HTR4: variants seen among roughly 807,000 people sequenced by gnomAD.
HTR4 encodes the protein 5-hydroxytryptamine (serotonin) receptor 4, G protein-coupled.
In HTR4, 16 loss-of-function variants were observed where a neutral mutation model predicts 36.8. The ratio of observed to expected loss-of-function variants is 0.43; its 90% CI spans 0.29 to 0.66. The LOEUF (loss-of-function observed/expected upper bound fraction) is 0.66. HTR4 is among the 30% of genes least tolerant of loss of function. The pLI, the probability that HTR4 is intolerant of heterozygous loss-of-function variation, is 0.13. For synonymous variants in HTR4, 189 were observed against 185.1 expected (o/e 1.02, Z -0.17); for missense variants, 438 against 490.9 (o/e 0.89, Z 1.02).
chr5:148,455,458 T>G (rs1373807763), intron 5 of HTR4, among the ~76,000 whole-genome samples: 1 of 152,202 alleles, frequency 6.6e-6, no homozygotes, highest in Non-Finnish European at 1.5e-5. Context: ...TCTCTCCTCA[T>G]AAGCATCTGT....
chr5:148,653,135 G>A (rs940886658), intron 1 of HTR4, among the ~76,000 whole-genome samples: 3 of 152,146 alleles, frequency 2.0e-5, no homozygotes, highest in Non-Finnish European at 4.4e-5. Flanking sequence ...AGCTTTAAGG[G>A]CCAGAGAATC....
At chr5:148,594,550 A>G (rs1028116388) in intron 2 of HTR4, among the ~76,000 whole-genome samples, 2 of 152,172 alleles carry the variant, frequency 1.3e-5, no homozygotes, top group Non-Finnish European at 2.9e-5. Flanking sequence ...CCAACATGTG[A>G]GACAGGTACA....
chr5:148,596,518 T>G (rs946836066), intron 2 of HTR4, among the ~76,000 whole-genome samples: 1 of 152,136 alleles, frequency 6.6e-6, no homozygotes, highest in Non-Finnish European at 1.5e-5. Context: ...TGCTGGCATT[T>G]TGGGGGCTGG....
chr5:148,487,776 T>A (rs1224306126), intron 6 of HTR4, among the ~76,000 whole-genome samples: 2 of 151,056 alleles, frequency 1.3e-5, no homozygotes, highest in East Asian at 3.9e-4. Context: ...AGAGCGAGCT[T>A]AGAGATAGGC....
intron 2 of HTR4, among the ~76,000 whole-genome samples, chr5:148,578,655 G>A (rs771198755): frequency 5.9e-5 from 9 of 151,936 alleles, no homozygotes; most frequent in Non-Finnish European, 1.2e-4. Flanking sequence ...TCAAATCCTG[G>A]AGTCAATACA....
intron 2 of HTR4, among the ~76,000 whole-genome samples, chr5:148,619,086 G>A (rs1436260079): frequency 1.3e-5 from 2 of 152,064 alleles, no homozygotes; most frequent in Admixed American, 1.3e-4. Context: ...AGGAAAGAAG[G>A]AAGAGAGAGA....
At chr5:148,505,241 C>G (rs574329100) in intron 6 of HTR4, among the ~76,000 whole-genome samples, 123 of 152,250 alleles carry the variant, frequency 8.1e-4, no homozygotes, top group African/African-American at 2.8e-3. Context: ...TAAACGTAAT[C>G]CAGCATATAA....
intron 4 of HTR4, among the ~76,000 whole-genome samples, chr5:148,524,217 G>A (rs113879575): frequency 1.9e-4 from 29 of 152,110 alleles, no homozygotes; most frequent in African/African-American, 6.7e-4. Context: ...TTCCAAACAC[G>A]TACACTTCTT....
At chr5:148,627,177 C>A (rs1054245372) in intron 2 of HTR4, among the ~76,000 whole-genome samples, 8 of 152,156 alleles carry the variant, frequency 5.3e-5, no homozygotes, top group African/African-American at 1.9e-4. Flanking sequence ...AACCCTGTAA[C>A]CCTATTTGCA....
At chr5:148,611,402 C>T (rs1225600268) in intron 2 of HTR4, among the ~76,000 whole-genome samples, 41 of 147,476 alleles carry the variant, frequency 2.8e-4, no homozygotes, top group Non-Finnish European at 2.0e-4. Flanking sequence ...AATTTTCAAC[C>T]CAGAATTTCA....
At chr5:148,638,340 AT>A (rs1753618509) in intron 1 of HTR4, among the ~76,000 whole-genome samples, 1 of 152,202 alleles carries the variant, frequency 6.6e-6, no homozygotes, top group East Asian at 1.9e-4. Flanking sequence ...TCTGTTTTAT[AT>A]TTTGAATGTA....
chr5:148,583,832 T>C (rs780883305), intron 2 of HTR4, among the ~76,000 whole-genome samples: 2 of 152,096 alleles, frequency 1.3e-5, no homozygotes, highest in Non-Finnish European at 2.9e-5. Context: ...GCTTTTTTAA[T>C]ACCCCAAGGA....
At chr5:148,459,592 A>G (rs1755213309) in intron 5 of HTR4, among the ~76,000 whole-genome samples, 1 of 152,136 alleles carries the variant, frequency 6.6e-6, no homozygotes, top group South Asian at 2.1e-4. Flanking sequence ...GAAGACAGAG[A>G]ACTAATCACA....
At chr5:148,622,980 A>C (rs1319729018) in intron 2 of HTR4, among the ~76,000 whole-genome samples, 1 of 152,172 alleles carries the variant, frequency 6.6e-6, no homozygotes, top group Non-Finnish European at 1.5e-5. Flanking sequence ...TAAGTGAGGG[A>C]GGGACTAGGG....
intron 4 of HTR4, among the ~76,000 whole-genome samples, chr5:148,525,677 C>T (rs1758235323): frequency 6.6e-6 from 1 of 152,168 alleles, no homozygotes; most frequent in Non-Finnish European, 1.5e-5. Flanking sequence ...CAAGTCCTCA[C>T]TCCTTAGCTC....
chr5:148,542,640 T>C (rs561128299), intron 4 of HTR4, among the ~76,000 whole-genome samples: 6 of 152,044 alleles, frequency 3.9e-5, no homozygotes, highest in African/African-American at 1.2e-4. Context: ...GAAATTGACT[T>C]TTTTTTTAAA....
At chr5:148,466,076 A>G in intron 5 of HTR4, 1 of 1,429,732 alleles carries the variant, frequency 7.0e-7, no homozygotes, top group Non-Finnish European at 9.4e-7. Flanking sequence ...TTAGAGGAGG[A>G]TAAGGAGGGG....
Position 148,554,985 on chromosome 5 carries a change from C to T in HTR4, c.27-4723G>A, listed in dbSNP as rs1048825226. On this transcript the variant is annotated intron_variant, in intron 2 of 6. Transcript: ENST00000377888. ...TTGCTGCAAAGGACATGACCTCATT[C>T]TCTTTTGGGGCTTAATATCACTAAA... Among the ~76,000 whole-genome samples the T allele has an allele frequency of 2.0e-5, 3 of 152,036 alleles. No homozygotes were observed. The East Asian group carries it at 5.8e-4, about 29-fold the overall frequency.
At chr5:148,513,255 G>A (rs1757579830) in intron 5 of HTR4, among the ~76,000 whole-genome samples, 1 of 152,088 alleles carries the variant, frequency 6.6e-6, no homozygotes, top group African/African-American at 2.4e-5. Flanking sequence ...TTCCCAAAGT[G>A]CTGGGATTAC....
Sources: gnomAD v4.1 joint callset for allele counts (sites outside exome capture counted in the v4.1 genomes callset) on GRCh38, gnomAD v4.1.1 for gene constraint, MANE v1.5 for transcripts, NCBI Gene and HGNC (gene_info 2026-07-23, HGNC 2026-07-21) for gene names.